The following CDH22 variants were observed in gnomAD, a reference collection of about 807,000 sequenced individuals.
CDH22 encodes cadherin 22.
Under a neutral mutation model 58.4 loss-of-function variants are expected in CDH22, and 30 were observed. That is an observed-to-expected ratio of 0.51 (90% confidence interval 0.38 to 0.70). The LOEUF is 0.70. CDH22 is among the 30% of genes least tolerant of loss of function. The probability of loss-of-function intolerance (pLI) is 0.00; values close to 1 mark genes in which losing one functional copy is unlikely to be tolerated. For missense variants in CDH22, 1,014 were observed against 1,233.9 expected, an observed-to-expected ratio of 0.82 and a Z score of 2.67; for synonymous variants, 513 against 558.2, an observed-to-expected ratio of 0.92 and a Z score of 1.14.
intron 8 of CDH22, among the ~76,000 whole-genome samples, chr20:46,193,367 A>G (rs928322713): frequency 1.1e-4 from 16 of 151,970 alleles, no homozygotes; most frequent in African/African-American, 3.9e-4. Flanking sequence ...TTTCCCGGGC[A>G]GCCTCCCTGG....
intron 3 of CDH22, among the ~76,000 whole-genome samples, chr20:46,239,922 C>T (rs1015925896): frequency 6.6e-6 from 1 of 152,062 alleles, no homozygotes; most frequent in African/African-American, 2.4e-5. Context: ...TGTGCATGGC[C>T]CTTTCTGAGT....
intron 5 of CDH22, 126 bp from the exon 6 acceptor site, chr20:46,213,314 C>T: frequency 1.5e-6 from 1 of 648,014 alleles, no homozygotes; most frequent in Non-Finnish European, 2.7e-6. Context: ...AAGGGGCTCT[C>T]AGCTTGGCCA....
intron 11 of CDH22, 46 bp downstream of exon 11, chr20:46,177,900 G>A: frequency 6.2e-7 from 1 of 1,601,282 alleles, no homozygotes; most frequent in Non-Finnish European, 8.5e-7. Context: ...CAGGACGCCA[G>A]GATGGGGCCA....
At position 46,217,249 on chromosome 20, in the gene CDH22, G is replaced by A. The variant is rs116770322; in HGVS notation, c.671-256C>T. Reference sequence around the variant, plus strand: ...ATACTCACACATGCTCACACACACGGTCACACAGATAGACTCACATACTTG... The same window carrying A: ...ATACTCACACATGCTCACACACACGATCACACAGATAGACTCACATACTTG... On this transcript the variant is annotated intron_variant, in intron 4 of 11. Coordinates refer to ENST00000537909, the MANE Select transcript of CDH22 (RefSeq NM_021248.3). 7.0e-3 allele frequency among the ~76,000 whole-genome samples: 1,069 copies of A among 151,982 alleles called. 16 individuals carry two copies. Among genetic ancestry groups the A allele is most frequent in the African/African-American group, 0.025 (1,022 of 41,434 alleles).
intron 1 of CDH22, among the ~76,000 whole-genome samples, chr20:46,255,741 C>A (rs2086403489): frequency 6.6e-6 from 1 of 152,204 alleles, no homozygotes; most frequent in Admixed American, 6.5e-5. Flanking sequence ...CCTTTTCCTG[C>A]TCCAGCTGCT....
At chr20:46,182,760 C>G (rs1301297725) in intron 10 of CDH22, among the ~76,000 whole-genome samples, 1 of 152,238 alleles carries the variant, frequency 6.6e-6, no homozygotes, top group Non-Finnish European at 1.5e-5. Flanking sequence ...TCCCTGGCTG[C>G]AAAGGCAATA....
intron 11 of CDH22, among the ~76,000 whole-genome samples, chr20:46,176,923 G>A (rs1011573012): frequency 3.9e-5 from 6 of 152,238 alleles, no homozygotes; most frequent in African/African-American, 1.2e-4. Context: ...CACTTTCTTC[G>A]TTTGTGGGCA....
intron 7 of CDH22, among the ~76,000 whole-genome samples, chr20:46,204,339 A>G (rs1349152928): frequency 6.8e-6 from 1 of 146,282 alleles, no homozygotes; most frequent in Non-Finnish European, 1.5e-5. Context: ...GATTGCAGTG[A>G]GCCAAGATCG....
intron 2 of CDH22, among the ~76,000 whole-genome samples, chr20:46,247,053 C>CA (rs983124819): frequency 3.3e-5 from 5 of 151,610 alleles, no homozygotes; most frequent in African/African-American, 4.9e-5. Context: ...ACCTTCCCCC[C>CA]CACTTAGTGG....
At chr20:46,221,811 G>A (rs1189064100) in intron 4 of CDH22, among the ~76,000 whole-genome samples, 1 of 152,158 alleles carries the variant, frequency 6.6e-6, no homozygotes, top group Non-Finnish European at 1.5e-5. Flanking sequence ...GGAGACTATT[G>A]CCCTCTGAGA....
intron 1 of CDH22, among the ~76,000 whole-genome samples, chr20:46,262,614 G>A (rs2145749162): frequency 6.6e-6 from 1 of 152,254 alleles, no homozygotes; most frequent in South Asian, 2.1e-4. Flanking sequence ...GCCTTTTGAG[G>A]TGAATACTGT....
chr20:46,281,662 C>T (rs1170387217), intron 1 of CDH22, among the ~76,000 whole-genome samples: 5 of 152,324 alleles, frequency 3.3e-5, no homozygotes, highest in East Asian at 1.9e-4. Context: ...TGCATTATTT[C>T]GAAGGTAGGT....
At chr20:46,307,963 C>G (rs921050376) in intron 1 of CDH22, among the ~76,000 whole-genome samples, 3 of 151,732 alleles carry the variant, frequency 2.0e-5, no homozygotes, top group Non-Finnish European at 4.4e-5. Context: ...CCCGGGCGCG[C>G]GGCGGACGAG....
chr20:46,302,503 T>C (rs2086656673), intron 1 of CDH22, among the ~76,000 whole-genome samples: 1 of 152,122 alleles, frequency 6.6e-6, no homozygotes, highest in South Asian at 2.1e-4. Context: ...CTAAACTAAT[T>C]GCTACAGAGG....
At chr20:46,296,398 C>T (rs1290943189) in intron 1 of CDH22, among the ~76,000 whole-genome samples, 1 of 152,174 alleles carries the variant, frequency 6.6e-6, no homozygotes, top group African/African-American at 2.4e-5. Context: ...AAACACTTGC[C>T]CAAGGCCATC....
chr20:46,219,982 G>A (rs2145700333), intron 4 of CDH22: 1 of 152,770 alleles, frequency 6.5e-6, no homozygotes, highest in African/African-American at 2.4e-5. Flanking sequence ...ATGGAAGGCA[G>A]ACAGAGGGGA....
At chr20:46,301,240 G>C (rs2086650126) in intron 1 of CDH22, among the ~76,000 whole-genome samples, 1 of 151,330 alleles carries the variant, frequency 6.6e-6, no homozygotes, top group Non-Finnish European at 1.5e-5. Flanking sequence ...CACAGAGAGA[G>C]AATCACTCTG....
chr20:46,252,983 T>A (rs1490995596), intron 1 of CDH22, among the ~76,000 whole-genome samples: 1 of 151,706 alleles, frequency 6.6e-6, no homozygotes, highest in Non-Finnish European at 1.5e-5. Context: ...GGCAGAGGAG[T>A]GTGCATGGTG....
chr20:46,266,938 A>G (rs557907152), intron 1 of CDH22, among the ~76,000 whole-genome samples: 102 of 148,590 alleles, frequency 6.9e-4, no homozygotes, highest in African/African-American at 2.4e-3. Flanking sequence ...CTTTTTCCAC[A>G]TGTTCTAATA....
Sources: gnomAD v4.1 joint callset for allele counts (sites outside exome capture counted in the v4.1 genomes callset) on GRCh38, gnomAD v4.1.1 for gene constraint, MANE v1.5 for transcripts, NCBI Gene and HGNC (gene_info 2026-07-23, HGNC 2026-07-21) for gene names.